The following ACTR3C variants were observed in gnomAD, a reference collection of about 807,000 sequenced individuals.
The protein encoded by ACTR3C is actin related protein 3C.
ACTR3C carries 18 observed loss-of-function variants against 26.3 expected under a neutral mutation model. The ratio of observed to expected loss-of-function variants is 0.68; its 90% confidence interval spans 0.47 to 1.01. ACTR3C has a LOEUF of 1.01. Among genes scored for constraint, ACTR3C ranks in the 50% least tolerant of loss-of-function variants. The pLI, the probability that ACTR3C is intolerant of heterozygous loss-of-function variation, is 0.00. For synonymous variants in ACTR3C, 55 were observed against 94.5 expected (o/e 0.58, Z 2.42); for missense variants, 184 against 250.7 (o/e 0.73, Z 1.80).
the ACTR3C span, among the ~76,000 whole-genome samples, chr7:150,135,258 C>T: frequency 1.3e-5 from 2 of 152,000 alleles, no homozygotes; most frequent in African/African-American, 4.8e-5. Context: ...GGGGACACAG[C>T]GAGACTCCGT....
the ACTR3C span, among the ~76,000 whole-genome samples, chr7:150,202,117 A>G: frequency 3.3e-5 from 5 of 152,250 alleles, no homozygotes; most frequent in Admixed American, 3.3e-4. Flanking sequence ...TGCCTTTTCC[A>G]TCAATCTTTT....
intron 6 of ACTR3C, among the ~76,000 whole-genome samples, chr7:150,276,240 TAA>T (rs1308191602): frequency 3.3e-5 from 5 of 152,122 alleles, no homozygotes; most frequent in African/African-American, 1.2e-4. Flanking sequence ...TTCATTCCTG[TAA>T]TACTAAGAGG....
chr7:150,038,471 C>A, the ACTR3C span, among the ~76,000 whole-genome samples: 642 of 143,530 alleles, frequency 4.5e-3, 60 homozygotes, highest in Middle Eastern at 0.018. Context: ...CGGGTCCCCG[C>A]CCCATTTGTG....
the ACTR3C span, among the ~76,000 whole-genome samples, chr7:150,121,937 C>T: frequency 6.6e-6 from 1 of 151,996 alleles, no homozygotes; most frequent in Middle Eastern, 3.2e-3. Flanking sequence ...CAACTACAAC[C>T]ATCTGATCTT....
At chr7:150,182,047 G>C in the ACTR3C span, among the ~76,000 whole-genome samples, 31,406 of 150,162 alleles carry the variant, frequency 0.21, 4,346 homozygotes, top group East Asian at 0.5. Context: ...AGTAGTGAGA[G>C]ACTGGGGTTT....
chr7:150,306,396 G>A (rs1165586857), intron 1 of ACTR3C, among the ~76,000 whole-genome samples: 4 of 152,028 alleles, frequency 2.6e-5, no homozygotes, highest in African/African-American at 9.7e-5. Context: ...AGCTGGGCTC[G>A]GTGCCTGCTC....
chr7:150,123,669 T>C, the ACTR3C span, among the ~76,000 whole-genome samples: 1 of 151,690 alleles, frequency 6.6e-6, no homozygotes, highest in Non-Finnish European at 1.5e-5. Context: ...CATGTTAACC[T>C]TTGGGCCAAG....
chr7:150,125,225 T>C, the ACTR3C span, among the ~76,000 whole-genome samples: 2 of 143,364 alleles, frequency 1.4e-5, no homozygotes, highest in African/African-American at 2.6e-5. Flanking sequence ...TCTACCAAGT[T>C]AAAAAAAAAA....
At chr7:150,198,756 G>GA in the ACTR3C span, among the ~76,000 whole-genome samples, 1 of 146,070 alleles carries the variant, frequency 6.8e-6, no homozygotes. Flanking sequence ...GGGAGGTGGG[G>GA]GGGGGTCAGC....
chr7:149,910,316 C>T, the ACTR3C span, among the ~76,000 whole-genome samples: 1 of 152,200 alleles, frequency 6.6e-6, no homozygotes, highest in African/African-American at 2.4e-5. Context: ...AATCATCTGA[C>T]AAGAGCATCT....
At chr7:150,304,067 A>T (rs917004345) in intron 1 of ACTR3C, among the ~76,000 whole-genome samples, 6 of 152,262 alleles carry the variant, frequency 3.9e-5, no homozygotes, top group South Asian at 2.1e-4. Context: ...AAACATTTTT[A>T]AAAATACAAA....
chr7:150,257,827 T>C (rs1446533945), intron 6 of ACTR3C, among the ~76,000 whole-genome samples: 8 of 152,006 alleles, frequency 5.3e-5, no homozygotes, highest in Non-Finnish European at 1.0e-4. Flanking sequence ...ACTAAGACCA[T>C]AAAGAATGTG....
the ACTR3C span, among the ~76,000 whole-genome samples, chr7:150,035,016 C>CG: frequency 6.3e-5 from 9 of 142,194 alleles, no homozygotes; most frequent in East Asian, 2.3e-4. Flanking sequence ...TCCTCAGAGC[C>CG]AGGGGGGGAA....
At chr7:149,986,005 C>T in the ACTR3C span, among the ~76,000 whole-genome samples, 6 of 151,970 alleles carry the variant, frequency 3.9e-5, no homozygotes, top group Admixed American at 3.9e-4. Context: ...CTTGCTTTCT[C>T]TTGTATTTTC....
the ACTR3C span, among the ~76,000 whole-genome samples, chr7:150,109,056 T>C: frequency 6.6e-6 from 1 of 152,096 alleles, no homozygotes; most frequent in Admixed American, 6.6e-5. Flanking sequence ...ACCTGCAGGA[T>C]TGGACAAAGT....
At chr7:150,023,298 G>GATAC in the ACTR3C span, among the ~76,000 whole-genome samples, 4 of 73,818 alleles carry the variant, frequency 5.4e-5, no homozygotes, top group African/African-American at 2.1e-4. Context: ...TACATAGATA[G>GATAC]ATAGATAGAT....
the ACTR3C span, among the ~76,000 whole-genome samples, chr7:149,883,299 TTC>T: frequency 6.6e-6 from 1 of 152,156 alleles, no homozygotes; most frequent in African/African-American, 2.4e-5. Context: ...TGTACCCAAC[TTC>T]TGTTAGAGTT....
the ACTR3C span, among the ~76,000 whole-genome samples, chr7:149,886,152 T>C: frequency 6.6e-6 from 1 of 152,264 alleles, no homozygotes; most frequent in Non-Finnish European, 1.5e-5. Context: ...CCACATTTTA[T>C]TCTGCCAGGA....
the ACTR3C span, among the ~76,000 whole-genome samples, chr7:150,147,374 A>C: frequency 6.6e-6 from 1 of 152,216 alleles, no homozygotes; most frequent in Non-Finnish European, 1.5e-5. Context: ...AATTATAAGC[A>C]AAAACAAACT....
Sources: gnomAD v4.1 joint callset for allele counts (sites outside exome capture counted in the v4.1 genomes callset) on GRCh38, gnomAD v4.1.1 for gene constraint, MANE v1.5 for transcripts, NCBI Gene and HGNC (gene_info 2026-07-23, HGNC 2026-07-21) for gene names.